JHY: variants seen among roughly 807,000 people sequenced by gnomAD.
The protein encoded by JHY is junctional cadherin complex regulator.
Under a neutral mutation model 78.0 loss-of-function variants are expected in JHY, and 69 were observed. The ratio of observed to expected loss-of-function variants is 0.88; its 90% CI spans 0.73 to 1.08. The LOEUF (loss-of-function observed/expected upper bound fraction) is 1.08, where lower values mean the gene tolerates loss of function less well. JHY is among the 50% of genes least tolerant of loss of function. The pLI is 0.00. For missense variants in JHY, 944 were observed against 927.8 expected (o/e 1.02, Z -0.23); for synonymous variants, 368 against 342.6 (o/e 1.07, Z -0.82).
chr11:122,946,624 C>T lies in JHY; in HGVS notation c.1761C>T (p.Ala587=), dbSNP rs763142816. Residue 587 remains alanine, a synonymous_variant, in exon 6 of 9, where the codon GCC becomes GCT. Transcript: ENST00000227349. ...CCGACGTGCAGCCCAGTGAAGGGGC[C>T]TTATCCAGCGTCACGCTTCCACCTA... is the stretch of plus-strand genomic sequence containing the variant. ...QLTDVQPSEG[A]LSSVTLPPIL... is the part of the protein sequence containing the mutation. 2.9e-5 allele frequency: 47 copies of T among 1,613,994 alleles called. No individual in the cohort carries two copies. The highest frequency in any genetic ancestry group is 2.4e-4 in the South Asian group (22 of 91,080).
chr11:122,908,802 G>A (rs1442885668), intron 3 of JHY, among the ~76,000 whole-genome samples: 2 of 152,086 alleles, frequency 1.3e-5, no homozygotes, highest in East Asian at 1.9e-4. Flanking sequence ...AGGTTCAAGC[G>A]ATTCTCCTGC....
intron 6 of JHY, 164 bp downstream of exon 6, chr11:122,946,956 C>T: frequency 1.4e-6 from 1 of 722,860 alleles, no homozygotes; most frequent in Non-Finnish European, 2.1e-6. Context: ...CTGCTACTCC[C>T]TGGGGTTTCC....
Position 122,946,673 on chromosome 11 carries a change from T to C in JHY, c.1810T>C (p.Ser604Pro). The change falls in exon 6 of 9, where the codon TCC becomes CCC. Residue 604 changes from serine to proline, a missense_variant. Physicochemically the swap from Ser to Pro is moderately conservative, Grantham distance 74 (BLOSUM62 -1). Transcript: ENST00000227349. ...PPILSRVESESQLSSERSQRN... is the reference protein window; with the variant it reads ...PPILSRVESEPQLSSERSQRN... ...TATACTGTCAAGGGTAGAAAGTGAA[T>C]CCCAACTCAGTTCAGAGAGAAGCCA... is the stretch of plus-strand genomic sequence containing the variant. 6.2e-7 allele frequency: 1 copy of C among 1,614,068 alleles called. No individual in the cohort carries two copies. Among genetic ancestry groups the C allele is most frequent in the Non-Finnish European group, 8.5e-7 (1 of 1,180,010 alleles).
In JHY at chr11:122,961,928, G is replaced by A. The variant is rs989374796; in HGVS notation, c.*2483G>A. On this transcript the variant is annotated 3_prime_UTR_variant, in exon 9 of 9. Coordinates refer to ENST00000227349, the MANE Select transcript of JHY (RefSeq NM_024806.4). ...AACAAGTCCAGAAACACCTAATGCA[G>A]GCAACTCTGAGAGACACACTTTATC... Among the ~76,000 whole-genome samples the A allele has an allele frequency of 1.3e-5, 2 of 152,110 alleles. No homozygotes were observed. The highest frequency in any genetic ancestry group is 2.9e-5 in the Non-Finnish European group (2 of 68,030).
chr11:122,916,466 A>G (rs1863236571), intron 3 of JHY, among the ~76,000 whole-genome samples: 1 of 152,198 alleles, frequency 6.6e-6, no homozygotes, highest in South Asian at 2.1e-4. Flanking sequence ...CTACCAGTGC[A>G]GATTCTATTG....
intron 2 of JHY, among the ~76,000 whole-genome samples, chr11:122,888,768 C>T (rs1862548679): frequency 6.6e-6 from 1 of 152,076 alleles, no homozygotes. Context: ...GTCTTCCATT[C>T]ATTTATTTCA....
chr11:122,901,789 T>C (rs1325709999), intron 2 of JHY, among the ~76,000 whole-genome samples: 4 of 151,256 alleles, frequency 2.6e-5, no homozygotes, highest in Non-Finnish European at 5.9e-5. Context: ...AGGAGAATGG[T>C]GTGAACCCAG....
At chr11:122,928,986 C>A (rs1863577721) in intron 4 of JHY, among the ~76,000 whole-genome samples, 1 of 151,720 alleles carries the variant, frequency 6.6e-6, no homozygotes. Flanking sequence ...CTCTCGTTAC[C>A]CAGGCTGGAG....
chr11:122,905,174 C>T (rs779830806), intron 3 of JHY: 3 of 1,612,838 alleles, frequency 1.9e-6, no homozygotes, highest in Admixed American at 1.7e-5. Context: ...CTCATCAGGT[C>T]ATTTTGAGAG....
At chr11:122,902,675 G>A (rs909944703) in intron 2 of JHY, among the ~76,000 whole-genome samples, 3 of 152,146 alleles carry the variant, frequency 2.0e-5, no homozygotes, top group African/African-American at 7.2e-5. Context: ...GGGGGAGCAG[G>A]CCTCTTACGG....
intron 7 of JHY, 86 bp from the exon 8 acceptor site, chr11:122,957,277 A>G: frequency 7.1e-7 from 1 of 1,399,136 alleles, no homozygotes; most frequent in Non-Finnish European, 9.4e-7. Context: ...TACGCCCAGT[A>G]TACTGAAACC....
intron 8 of JHY, among the ~76,000 whole-genome samples, chr11:122,958,260 C>A (rs1411205751): frequency 1.3e-5 from 2 of 152,162 alleles, no homozygotes; most frequent in Admixed American, 1.3e-4. Flanking sequence ...TGTAAGGACA[C>A]GGGACCCTTT....
rs1248148650 is a variant in JHY at position 122,904,022 on chromosome 11, C to T, written c.442C>T (p.Pro148Ser). 1 of 1,614,136 alleles carries T rather than the reference C, an allele frequency of 6.2e-7. No homozygotes were observed. The change falls in exon 3 of 9, where the codon CCG becomes TCG. Residue 148 changes from proline to serine, a missense_variant. Pro to Ser is a moderately conservative substitution (Grantham distance 74). Coordinates refer to ENST00000227349, the MANE Select transcript of JHY (RefSeq NM_024806.4). Reference protein sequence around the residue: ...EGQLLSVEALPESTDSSLENL... With the variant: ...EGQLLSVEALSESTDSSLENL... ...GCAGCTGCTGTCTGTGGAAGCGTTGCCGGAGTCCACGGACAGCTCTTTAGA... is the reference window on the plus strand; with the variant it reads ...GCAGCTGCTGTCTGTGGAAGCGTTGTCGGAGTCCACGGACAGCTCTTTAGA...
intron 3 of JHY, among the ~76,000 whole-genome samples, chr11:122,915,750 G>A (rs191892547): frequency 1.4e-3 from 212 of 152,262 alleles, no homozygotes; most frequent in African/African-American, 4.0e-3. Context: ...CTGACTTCAA[G>A]TGATCCACCC....
chr11:122,958,366 C>T (rs770604394), intron 8 of JHY, among the ~76,000 whole-genome samples: 5 of 152,166 alleles, frequency 3.3e-5, no homozygotes, highest in Non-Finnish European at 5.9e-5. Flanking sequence ...GCCTTTCTTC[C>T]TCAGACCTTG....
chr11:122,957,834 T>G (rs1030282826), intron 8 of JHY, among the ~76,000 whole-genome samples: 2 of 94,706 alleles, frequency 2.1e-5, no homozygotes, highest in Non-Finnish European at 5.3e-5. Context: ...CACACACACT[T>G]TTGTAAAGTT....
chr11:122,930,237 C>T (rs111923394), intron 4 of JHY, among the ~76,000 whole-genome samples: 1,712 of 152,142 alleles, frequency 0.011, 39 homozygotes, highest in African/African-American at 0.039. Flanking sequence ...CAGGCCAGCA[C>T]GCCCAGCTAA....
intron 3 of JHY, among the ~76,000 whole-genome samples, chr11:122,916,971 A>T (rs1863247314): frequency 6.6e-6 from 1 of 151,968 alleles, no homozygotes; most frequent in Non-Finnish European, 1.5e-5. Flanking sequence ...AATCTTTTAT[A>T]GTTCCCCCCA....
chr11:122,886,568 T>C (rs113405039), intron 2 of JHY, among the ~76,000 whole-genome samples: 3,648 of 152,262 alleles, frequency 0.024, 140 homozygotes, highest in African/African-American at 0.083. Context: ...TAATCTGGAA[T>C]AAATCACTTA....
Sources: allele counts gnomAD v4.1 joint callset (sites outside exome capture counted in the v4.1 genomes callset), GRCh38; gene constraint gnomAD v4.1.1; transcripts MANE v1.5; gene names NCBI Gene and HGNC (gene_info 2026-07-23, HGNC 2026-07-21).